PDE6D: variants seen among roughly 807,000 people sequenced by gnomAD.
PDE6D encodes the protein retinal rod rhodopsin-sensitive cGMP 3',5'-cyclic phosphodiesterase subunit delta.
A neutral mutation model predicts 21.9 loss-of-function variants in PDE6D; 10 were observed. That is an observed-to-expected ratio of 0.46 (90% CI 0.28 to 0.78). PDE6D has a LOEUF of 0.78. Ranked by LOEUF, PDE6D falls within the 30% of genes least tolerant of loss-of-function variation. The probability of loss-of-function intolerance (pLI) is 0.12; values close to 1 mark genes in which losing one functional copy is unlikely to be tolerated. For synonymous variants in PDE6D, 59 were observed against 63.5 expected (o/e 0.93, Z 0.34); for missense variants, 139 against 184.8 (o/e 0.75, Z 1.44).
intron 1 of PDE6D, among the ~76,000 whole-genome samples, chr2:231,769,224 C>G (rs372168774): frequency 6.6e-6 from 1 of 152,180 alleles, no homozygotes; most frequent in East Asian, 1.9e-4. Context: ...CGTACAGATT[C>G]TGTTAACAAA....
chr2:231,751,931 G>A (rs1376428835), intron 1 of PDE6D, among the ~76,000 whole-genome samples: 1 of 152,102 alleles, frequency 6.6e-6, no homozygotes, highest in Non-Finnish European at 1.5e-5. Context: ...CTTAAGGGGT[G>A]GTGAATTATG....
intron 1 of PDE6D, among the ~76,000 whole-genome samples, chr2:231,778,163 G>A (rs1291069377): frequency 6.6e-6 from 1 of 152,162 alleles, no homozygotes; most frequent in African/African-American, 2.4e-5. Context: ...CTACTCAGGA[G>A]GCTGAGGCAG....
In PDE6D at chr2:231,739,636, T is replaced by TA. The variant is rs1559309986; in HGVS notation, c.51-449_51-448insT. Reference sequence around the variant, plus strand: ...CAAATTGCTTTGTAGTGGCCCCCTCTGTTTTTTTTTTTTGAAACAGAGTCT... The same window carrying TA: ...CAAATTGCTTTGTAGTGGCCCCCTCTAGTTTTTTTTTTTTGAAACAGAGTCT... On this transcript the variant is annotated intron_variant, in intron 1 of 4. Transcript: ENST00000287600. This position sits in a 1 kb window ranked among gnomAD's most constrained non-coding sequence, Gnocchi z 4.2. Among the ~76,000 whole-genome samples the TA allele has an allele frequency of 7.8e-6, 1 of 128,656 alleles. No individual in the cohort carries two copies. The highest frequency in any genetic ancestry group is 3.2e-5 in the African/African-American group (1 of 30,844). 84.4% of individuals were successfully genotyped at this position (128,656 alleles called of 152,430 possible). A position where few individuals can be genotyped will look rare whatever the true frequency, so the allele number is the denominator to read the frequency against.
chr2:231,734,531 C>T (rs1360873296), intron 4 of PDE6D, among the ~76,000 whole-genome samples: 1 of 151,598 alleles, frequency 6.6e-6, no homozygotes, highest in East Asian at 1.9e-4. Context: ...TACATTTCTG[C>T]TGGTAATTAA....
At chr2:231,780,804 C>G (rs1289504275) in intron 1 of PDE6D, among the ~76,000 whole-genome samples, 1 of 152,156 alleles carries the variant, frequency 6.6e-6, no homozygotes, top group African/African-American at 2.4e-5. Context: ...CCTCTCGCAG[C>G]CCCGTCCCCC....
At chr2:231,736,146 C>T (rs2048700357) in intron 4 of PDE6D, among the ~76,000 whole-genome samples, 1 of 151,954 alleles carries the variant, frequency 6.6e-6, no homozygotes, top group Non-Finnish European at 1.5e-5. Flanking sequence ...GGAGTCCAGC[C>T]TGGGCAACAT....
chr2:231,737,527 G>A (rs896574228), intron 3 of PDE6D: 7 of 438,246 alleles, frequency 1.6e-5, no homozygotes, highest in Non-Finnish European at 2.4e-5. Flanking sequence ...TAGGACCAGC[G>A]AGCAGGACAC....
intron 4 of PDE6D, among the ~76,000 whole-genome samples, chr2:231,734,086 C>T (rs897795990): frequency 1.1e-4 from 17 of 151,598 alleles, no homozygotes; most frequent in Non-Finnish European, 2.4e-4. Context: ...TGGTGGCGGG[C>T]GCCTATAGTC....
intron 1 of PDE6D, among the ~76,000 whole-genome samples, chr2:231,780,393 A>G (rs1219452696): frequency 6.6e-6 from 1 of 152,146 alleles, no homozygotes; most frequent in African/African-American, 2.4e-5. Flanking sequence ...CTGAGGGGGA[A>G]GCAGTGACCA....
At chr2:231,755,233 C>G (rs950782416) in intron 1 of PDE6D, among the ~76,000 whole-genome samples, 4 of 151,424 alleles carry the variant, frequency 2.6e-5, no homozygotes, top group Admixed American at 6.6e-5. Context: ...GTCTTTGGCA[C>G]TTTGTTACAG....
intron 1 of PDE6D, among the ~76,000 whole-genome samples, chr2:231,776,321 C>CAAAA (rs1008155828): frequency 1.1e-4 from 6 of 54,008 alleles, no homozygotes; most frequent in Non-Finnish European, 1.4e-4. Flanking sequence ...GACTCCGTCT[C>CAAAA]AAAAAAAAAA....
chr2:231,751,840 G>A (rs2106271500), intron 1 of PDE6D, among the ~76,000 whole-genome samples: 1 of 152,252 alleles, frequency 6.6e-6, no homozygotes, highest in African/African-American at 2.4e-5. Flanking sequence ...TACTCTGTCA[G>A]TTTCTTCCAT....
intron 1 of PDE6D, among the ~76,000 whole-genome samples, chr2:231,753,393 A>C (rs2048858120): frequency 6.6e-6 from 1 of 151,318 alleles, no homozygotes. Context: ...AAAACAAAAA[A>C]CAAAAAACAT....
chr2:231,780,996 C>G (rs2049116400), intron 1 of PDE6D, 69 bp downstream of exon 1: 3 of 1,392,966 alleles, frequency 2.2e-6, no homozygotes, highest in East Asian at 2.4e-5. Context: ...CCCCCGCCCC[C>G]GGCCAGTCTC....
chr2:231,767,772 C>T (rs1469579745), intron 1 of PDE6D, among the ~76,000 whole-genome samples: 1 of 151,880 alleles, frequency 6.6e-6, no homozygotes, highest in Non-Finnish European at 1.5e-5. Context: ...TCTATTATTT[C>T]TGACTTTATT....
chr2:231,757,299 GATTT>G (rs1027243280), intron 1 of PDE6D, among the ~76,000 whole-genome samples: 1 of 150,188 alleles, frequency 6.7e-6, no homozygotes, highest in African/African-American at 2.5e-5. Flanking sequence ...AGTATTAAAC[GATTT>G]ATTTTTTTTC....
At position 231,771,668 on chromosome 2, in the gene PDE6D, G is replaced by A. The variant is rs74456970; in HGVS notation, c.50+9397C>T. On this transcript the variant is annotated intron_variant, in intron 1 of 4. Transcript: ENST00000287600. ...GGCAATAATTGCTCTCCTTGACTCT[G>A]AATCAGTTGTATCCACAATGCACTA... Among the ~76,000 whole-genome samples, 1,012 of 152,264 alleles carry A rather than the reference G, an allele frequency of 6.6e-3. 18 individuals are homozygous for A. The highest frequency in any genetic ancestry group is 0.023 in the African/African-American group (960 of 41,534).
At chr2:231,777,291 C>A (rs1179625144) in intron 1 of PDE6D, among the ~76,000 whole-genome samples, 1 of 152,128 alleles carries the variant, frequency 6.6e-6, no homozygotes, top group African/African-American at 2.4e-5. Context: ...TCACTCAGAC[C>A]ATGCCTAATT....
At chr2:231,737,376 C>G in intron 3 of PDE6D, 84 bp from the exon 4 acceptor site, 1 of 687,262 alleles carries the variant, frequency 1.5e-6, no homozygotes, top group East Asian at 2.7e-5. Flanking sequence ...TAGAGTGAGC[C>G]TCTTCCTACC....
Sources: gnomAD v4.1 joint callset for allele counts (sites outside exome capture counted in the v4.1 genomes callset) on GRCh38, gnomAD v4.1.1 for gene constraint, Gnocchi (gnomAD v3.1) non-coding constraint, MANE v1.5 for transcripts, NCBI Gene and HGNC (gene_info 2026-07-23, HGNC 2026-07-21) for gene names.